Variants in KIF26B observed in about 807,000 individuals in gnomAD.
KIF26B encodes kinesin family member 26B.
KIF26B carries 63 observed loss-of-function variants against 151.2 expected under a neutral mutation model. The ratio of observed to expected loss-of-function variants is 0.42; its 90% confidence interval spans 0.34 to 0.51. The LOEUF (loss-of-function observed/expected upper bound fraction) is 0.51, where lower values mean the gene tolerates loss of function less well. KIF26B is among the 20% of genes least tolerant of loss of function. The pLI is 0.07. For synonymous variants in KIF26B, 1,357 were observed against 1,262.1 expected, an observed-to-expected ratio of 1.08 and a Z score of -1.59; for missense variants, 2,813 against 2,913.6, an observed-to-expected ratio of 0.97 and a Z score of 0.79.
chr1:245,347,937 C>T (rs915713366), intron 2 of KIF26B, among the ~76,000 whole-genome samples: 9 of 152,156 alleles, frequency 5.9e-5, no homozygotes, highest in African/African-American at 1.7e-4. Context: ...AGGCGGGTAC[C>T]GTTATTTTCC....
chr1:245,660,815 A>G (rs950451383), intron 10 of KIF26B, among the ~76,000 whole-genome samples: 2 of 151,878 alleles, frequency 1.3e-5, no homozygotes, highest in African/African-American at 2.4e-5. Flanking sequence ...TCCATTTCTC[A>G]TTGTAATTAT....
At chr1:245,201,646 C>T (rs1264129194) in intron 2 of KIF26B, among the ~76,000 whole-genome samples, 3 of 152,146 alleles carry the variant, frequency 2.0e-5, no homozygotes, top group Admixed American at 6.5e-5. Flanking sequence ...ACCAGCTTTC[C>T]ACTTCCTTAG....
chr1:245,228,637 T>G (rs992060834), intron 2 of KIF26B, among the ~76,000 whole-genome samples: 2 of 152,140 alleles, frequency 1.3e-5, no homozygotes, highest in Non-Finnish European at 2.9e-5. Flanking sequence ...ATGATAATAT[T>G]GATAACAATA....
rs1410218263 is a variant in KIF26B, at chr1:245,156,420, A to T, written c.202A>T (p.Thr68Ser). 1.3e-6 allele frequency: 2 copies of T among 1,529,606 alleles called. No homozygotes were observed. The highest frequency in any genetic ancestry group is 1.8e-6 in the Non-Finnish European group (2 of 1,140,900). The allele number at this position is 1,529,606 out of a possible 1,614,324, so 94.8% of individuals were successfully genotyped here. ...GGGCTCAGCGCTCGGCTCCTCGGGG[A>T]CCCCGTCTCCCGGCTCGGGCACCTC... ...GAGSALGSSG[T>S]PSPGSGTSSP... Residue 68 changes from threonine to serine, a missense_variant, in exon 2 of 15, where the codon ACC (threonine) becomes TCC (serine). This residue lies in a region of KIF26B where 676 missense variants were observed against 688.1 expected (regional missense o/e 0.98). Coordinates refer to ENST00000407071, the MANE Select transcript of KIF26B (RefSeq NM_018012.4).
At chr1:245,381,848 T>G (rs1673418677) in intron 3 of KIF26B, among the ~76,000 whole-genome samples, 1 of 152,190 alleles carries the variant, frequency 6.6e-6, no homozygotes, top group Non-Finnish European at 1.5e-5. Flanking sequence ...GTTAATGGTC[T>G]GTTGCACTTG....
intron 2 of KIF26B, among the ~76,000 whole-genome samples, chr1:245,349,406 A>G (rs1394093651): frequency 1.3e-5 from 2 of 152,196 alleles, no homozygotes; most frequent in Non-Finnish European, 2.9e-5. Flanking sequence ...GGATGGAAAT[A>G]ATTTAAATAA....
intron 2 of KIF26B, among the ~76,000 whole-genome samples, chr1:245,274,039 T>C (rs1380157689): frequency 6.6e-6 from 1 of 152,192 alleles, no homozygotes; most frequent in Non-Finnish European, 1.5e-5. Flanking sequence ...AGATATTTTC[T>C]TTGTGGTTAA....
Position 245,540,879 on chromosome 1 carries a change from T to G in KIF26B, c.1279T>G (p.Ser427Ala), listed in dbSNP as rs1183441525. 1.2e-6 allele frequency: 2 copies of G among 1,613,592 alleles called. No individual in the cohort carries two copies. Among genetic ancestry groups the G allele is most frequent in the Non-Finnish European group, 1.7e-6 (2 of 1,179,784 alleles). ...ATSFSGILQTSPPPAPPCLLR... is the reference protein window; with the variant it reads ...ATSFSGILQTAPPPAPPCLLR... ...CAGCTTCAGTGGGATTCTGCAGACC[T>G]CCCCTCCCCCAGCCCCACCCTGCCT... Residue 427 changes from serine (S) to alanine (A), a missense_variant, in exon 5 of 15, where the codon TCC (serine) becomes GCC (alanine). By Grantham distance (99) the Ser-to-Ala change is moderately conservative. Around this residue, in one of 3 missense-constraint regions of KIF26B, gnomAD observed 676 missense variants for 688.1 expected, o/e 0.98. Coordinates refer to ENST00000407071, the MANE Select transcript of KIF26B (RefSeq NM_018012.4). This position sits in a 1 kb window ranked among gnomAD's most constrained non-coding sequence, Gnocchi z 4.6.
intron 10 of KIF26B, among the ~76,000 whole-genome samples, chr1:245,647,769 C>T (rs547262417): frequency 1.3e-5 from 2 of 152,284 alleles, no homozygotes; most frequent in South Asian, 4.2e-4. Flanking sequence ...CCACCAAATA[C>T]ATTGTGAGTT....
At chr1:245,690,326 C>T (rs1009722537) in intron 12 of KIF26B, among the ~76,000 whole-genome samples, 7 of 152,208 alleles carry the variant, frequency 4.6e-5, no homozygotes, top group Admixed American at 1.3e-4. Context: ...TTCACATGCT[C>T]TCAGAAGCCA....
At chr1:245,473,506 ATGGAC>A (rs1321489675) in intron 4 of KIF26B, among the ~76,000 whole-genome samples, 1 of 147,312 alleles carries the variant, frequency 6.8e-6, no homozygotes, top group East Asian at 1.9e-4. Flanking sequence ...TCTGCACTAT[ATGGAC>A]TGCCTTTCTC....
intron 3 of KIF26B, among the ~76,000 whole-genome samples, chr1:245,415,408 G>A (rs377529895): frequency 6.6e-6 from 1 of 152,010 alleles, no homozygotes; most frequent in East Asian, 1.9e-4. Context: ...GATTTGCAGG[G>A]CTGAGGAAGA....
intron 2 of KIF26B, among the ~76,000 whole-genome samples, chr1:245,180,593 G>A (rs1464541737): frequency 6.6e-6 from 1 of 152,136 alleles, no homozygotes; most frequent in African/African-American, 2.4e-5. Flanking sequence ...ATGTGGCCCA[G>A]TCCTTTAAGA....
At chr1:245,322,692 T>C (rs565875952) in intron 2 of KIF26B, among the ~76,000 whole-genome samples, 7 of 152,324 alleles carry the variant, frequency 4.6e-5, no homozygotes, top group African/African-American at 1.7e-4. Context: ...AGTGGTTGTT[T>C]ATAATTATTA....
At chr1:245,695,257 G>A (rs774321717) in intron 12 of KIF26B, among the ~76,000 whole-genome samples, 10 of 152,102 alleles carry the variant, frequency 6.6e-5, no homozygotes, top group African/African-American at 1.9e-4. Context: ...CAGTAACATC[G>A]CTTCCTGTGC....
chr1:245,310,558 T>A (rs118104847), intron 2 of KIF26B, among the ~76,000 whole-genome samples: 1 of 152,316 alleles, frequency 6.6e-6, no homozygotes, highest in East Asian at 1.9e-4. Context: ...AAGGCCCTCA[T>A]CTGAATAAAA....
At chr1:245,378,089 A>C (rs1034226299) in intron 3 of KIF26B, among the ~76,000 whole-genome samples, 2 of 152,176 alleles carry the variant, frequency 1.3e-5, no homozygotes, top group African/African-American at 2.4e-5. Flanking sequence ...ACCACCTGAG[A>C]GTAGATAAAT....
At chr1:245,213,982 T>G (rs1334697052) in intron 2 of KIF26B, among the ~76,000 whole-genome samples, 1 of 152,172 alleles carries the variant, frequency 6.6e-6, no homozygotes, top group African/African-American at 2.4e-5. Flanking sequence ...GCCGCTGAGA[T>G]TTTGTTAGCA....
At chr1:245,634,605 G>T (rs570714217) in intron 9 of KIF26B, among the ~76,000 whole-genome samples, 3 of 152,178 alleles carry the variant, frequency 2.0e-5, no homozygotes, top group Non-Finnish European at 4.4e-5. Flanking sequence ...CTTTCAGTTT[G>T]TTAATATGGT....
Sources: gnomAD v4.1 joint callset for allele counts (sites outside exome capture counted in the v4.1 genomes callset) on GRCh38, gnomAD v4.1.1 for gene constraint, gnomAD v4.1.1 regional missense constraint, Gnocchi (gnomAD v3.1) non-coding constraint, MANE v1.5 for transcripts, NCBI Gene and HGNC (gene_info 2026-07-23, HGNC 2026-07-21) for gene names.